Variants in IQSEC3 observed in about 807,000 individuals in gnomAD.
The protein encoded by IQSEC3 is IQ motif and Sec7 domain ArfGEF 3, also known as IQ motif and SEC7 domain-containing protein 3.
In IQSEC3, 50 loss-of-function variants were observed where a neutral mutation model predicts 105.4. That is an observed-to-expected ratio of 0.47 (90% CI 0.38 to 0.60). IQSEC3 has a LOEUF of 0.60. IQSEC3 is among the 20% of genes least tolerant of loss of function. The pLI is 0.00. For synonymous variants in IQSEC3, 708 were observed against 746.0 expected, an observed-to-expected ratio of 0.95 and a Z score of 0.83; for missense variants, 1,415 against 1,630.0, an observed-to-expected ratio of 0.87 and a Z score of 2.27.
At chr12:110,969 A>AAT in intron 2 of IQSEC3, among the ~76,000 whole-genome samples, 1 of 152,284 alleles carries the variant, frequency 6.6e-6, no homozygotes, top group Non-Finnish European at 1.5e-5. Context: ...TAAGGATTTA[A>AAT]GGAAGCATTG....
chr12:111,885 A>G (rs1345333611), intron 2 of IQSEC3: 3 of 152,232 alleles, frequency 2.0e-5, no homozygotes, highest in African/African-American at 7.2e-5. Context: ...TCAGAGACCC[A>G]GAGAACAGCG....
At position 138,726 on chromosome 12, in the gene IQSEC3, G is replaced by A. The variant is rs782604680; in HGVS notation, c.1363G>A (p.Ala455Thr). 99 of 1,496,144 alleles carry A rather than the reference G, an allele frequency of 6.6e-5. No individual in the cohort carries two copies. The highest frequency in any genetic ancestry group is 8.6e-5 in the Non-Finnish European group (97 of 1,128,726). The allele number at this position is 1,496,144 out of a possible 1,614,324, so 92.7% of individuals were successfully genotyped here. A position where few individuals can be genotyped will look rare whatever the true frequency, so the allele number is the denominator to read the frequency against. Residue 455 changes from alanine (A) to threonine (T), a missense_variant, in exon 4 of 14, where the codon GCG becomes ACG. Transcript: ENST00000538872. This position sits in a 1 kb window ranked among gnomAD's most constrained non-coding sequence, Gnocchi z 7.1. The part of the protein sequence containing the change: ...GPPGLEAEGR[A>T]PESAGPGPGD... Reference sequence around the variant, plus strand: ...CCCAGGCCTGGAGGCCGAGGGGCGGGCGCCGGAGAGCGCGGGCCCCGGGCC... The same window carrying A: ...CCCAGGCCTGGAGGCCGAGGGGCGGACGCCGGAGAGCGCGGGCCCCGGGCC...
intron 8 of IQSEC3, among the ~76,000 whole-genome samples, chr12:162,351 A>G (rs1866931663): frequency 6.6e-6 from 1 of 151,894 alleles, no homozygotes; most frequent in South Asian, 2.1e-4. Context: ...GCCAGATGAG[A>G]TTTAGTATCC....
chr12:79,454 A>C (rs1863670893), intron 1 of IQSEC3, among the ~76,000 whole-genome samples: 1 of 152,154 alleles, frequency 6.6e-6, no homozygotes, highest in Non-Finnish European at 1.5e-5. Flanking sequence ...TTTCTTTAAG[A>C]GATGGTGACT....
intron 3 of IQSEC3, among the ~76,000 whole-genome samples, chr12:133,814 C>T (rs932179561): frequency 6.6e-6 from 1 of 150,664 alleles, no homozygotes; most frequent in Non-Finnish European, 1.5e-5. Flanking sequence ...GGCATTTGCT[C>T]CTGGAGTGAG....
At chr12:81,885 T>C (rs1863758357) in intron 1 of IQSEC3, among the ~76,000 whole-genome samples, 1 of 152,182 alleles carries the variant, frequency 6.6e-6, no homozygotes, top group Non-Finnish European at 1.5e-5. Flanking sequence ...CCTAGTGTTC[T>C]GGCAAAGAGC....
At chr12:171,449 G>C (rs782069494) in intron 13 of IQSEC3, 3 of 809,818 alleles carry the variant, frequency 3.7e-6, no homozygotes, top group Non-Finnish European at 4.0e-6. Context: ...CGGCACCCTA[G>C]GGCCATCCTT....
Position 66,846 on chromosome 12 carries a change from C to T in IQSEC3, c.-37C>T. The T allele has an allele frequency of 7.3e-7, 1 of 1,366,306 alleles. No homozygotes were observed. The highest frequency in any genetic ancestry group is 1.7e-5 in the South Asian group (1 of 58,506). 84.6% of individuals were successfully genotyped at this position (1,366,306 alleles called of 1,614,324 possible). ...GCGCCCTCGCGCTCCCCGCCGCCAG[C>T]CCAGGCGCAGGCAGGGCGCAGGCGG... is the stretch of plus-strand genomic sequence containing the variant. On this transcript the variant is annotated 5_prime_UTR_variant, in exon 1 of 14. Transcript: ENST00000538872.
chr12:68,784 G>A (rs2136851084), intron 1 of IQSEC3, among the ~76,000 whole-genome samples: 1 of 152,336 alleles, frequency 6.6e-6, no homozygotes, highest in South Asian at 2.1e-4. Context: ...ACCATCTGTG[G>A]TAGAGTTAGA....
chr12:97,656 A>T (rs1163387322), intron 1 of IQSEC3, among the ~76,000 whole-genome samples: 5 of 152,092 alleles, frequency 3.3e-5, no homozygotes, highest in East Asian at 1.9e-4. Context: ...TCTCTATGAA[A>T]TTTTTTTAAA....
rs782247860 is a variant in IQSEC3, at chr12:125,877, G to A, written c.868G>A (p.Asp290Asn). Residue 290 changes from aspartate (D) to asparagine (N), a missense_variant, in exon 3 of 14, where the codon GAT (aspartate) becomes AAT (asparagine). By Grantham distance (23) the Asp-to-Asn change is conservative. This residue lies in a region of IQSEC3 where 720 missense variants were observed against 633.0 expected (regional missense o/e 1.14). Coordinates refer to ENST00000538872, the MANE Select transcript of IQSEC3 (RefSeq NM_001170738.2). ...ALCPHAPAAS[D>N]YELSLDLKNK... ...GTGCCCCCACGCCCCTGCCGCCTCC[G>A]ATTACGAACTCTCCCTTGACCTAAA... 530 of 1,533,596 alleles carry A rather than the reference G, an allele frequency of 3.5e-4. 1 individual carries two copies. The highest frequency in any genetic ancestry group is 4.3e-4 in the Non-Finnish European group (490 of 1,146,508). The allele number at this position is 1,533,596 out of a possible 1,614,324, so 95.0% of individuals were successfully genotyped here.
At chr12:70,215 T>C (rs1253294090) in intron 1 of IQSEC3, among the ~76,000 whole-genome samples, 1 of 152,260 alleles carries the variant, frequency 6.6e-6, no homozygotes, top group Non-Finnish European at 1.5e-5. Context: ...TTGACTTTTA[T>C]CCCCAGAACT....
chr12:126,545 G>GTA (rs1865417835), intron 3 of IQSEC3, among the ~76,000 whole-genome samples: 1 of 37,828 alleles, frequency 2.6e-5, no homozygotes, highest in South Asian at 7.6e-4. Flanking sequence ...TTGATGGAAG[G>GTA]TGTGTGTGTG....
At chr12:136,513 G>A (rs1282333176) in intron 3 of IQSEC3, among the ~76,000 whole-genome samples, 4 of 152,108 alleles carry the variant, frequency 2.6e-5, no homozygotes, top group African/African-American at 9.7e-5. Context: ...GCAGGAAGCA[G>A]GTTGAAGTGT....
At position 131,030 on chromosome 12, in the gene IQSEC3, A is replaced by C. The variant is rs868978213; in HGVS notation, c.903+5118A>C. ...CCAGCTAGCGGCTCTTCCTCCCCAC[A>C]CCTGGCCCCCGCTCCTCAGCACTGT... is the stretch of plus-strand genomic sequence containing the variant. On this transcript the variant is annotated intron_variant, in intron 3 of 13. Transcript: ENST00000538872. Among the ~76,000 whole-genome samples, 109 of 16,592 alleles carry C rather than the reference A, an allele frequency of 6.6e-3. 3 individuals are homozygous for C. Among genetic ancestry groups the C allele is most frequent in the African/African-American group, 0.011 (47 of 4,392 alleles). The allele number at this position is 16,592 out of a possible 152,430, so 10.9% of individuals were successfully genotyped here.
rs913328454 is a variant in IQSEC3 at position 175,947 on chromosome 12, G to A, written c.*914G>A. On this transcript the variant is annotated 3_prime_UTR_variant, in exon 14 of 14. Coordinates refer to ENST00000538872, the MANE Select transcript of IQSEC3 (RefSeq NM_001170738.2). ...TGGAGACGGGGCAGGAATGTGCCCA[G>A]CAGAGATGGGGCTCAGCCCGAGGCA... The A allele has an allele frequency of 6.6e-6, 1 of 152,120 alleles. No individual in the cohort carries two copies. The highest frequency in any genetic ancestry group is 1.5e-5 in the Non-Finnish European group (1 of 68,072). The allele number at this position is 152,120 out of a possible 1,614,324, so 9.4% of individuals were successfully genotyped here. A position where few individuals can be genotyped will look rare whatever the true frequency, so the allele number is the denominator to read the frequency against.
At chr12:82,739 A>T (rs1863788109) in intron 1 of IQSEC3, among the ~76,000 whole-genome samples, 1 of 152,214 alleles carries the variant, frequency 6.6e-6, no homozygotes, top group South Asian at 2.1e-4. Context: ...GCTAGGCTCC[A>T]TTCTGTATTC....
chr12:120,936 G>A (rs546119930), intron 2 of IQSEC3, among the ~76,000 whole-genome samples: 43 of 152,290 alleles, frequency 2.8e-4, no homozygotes, highest in African/African-American at 1.0e-3. Flanking sequence ...GAGTAATCCT[G>A]TGACCAGCAT....
intron 5 of IQSEC3, chr12:141,882 G>A (rs1470008701): frequency 6.6e-6 from 1 of 152,338 alleles, no homozygotes; most frequent in Non-Finnish European, 1.5e-5. Context: ...GACCCCCAGG[G>A]GGCTGCCTTT....
Sources: gnomAD v4.1 joint callset for allele counts (sites outside exome capture counted in the v4.1 genomes callset) on GRCh38, gnomAD v4.1.1 for gene constraint, gnomAD v4.1.1 regional missense constraint, Gnocchi (gnomAD v3.1) non-coding constraint, MANE v1.5 for transcripts, NCBI Gene and HGNC (gene_info 2026-07-23, HGNC 2026-07-21) for gene names.